PDE4D: variants seen among roughly 807,000 people sequenced by gnomAD.
PDE4D encodes phosphodiesterase 4D.
Under a neutral mutation model 87.4 loss-of-function variants are expected in PDE4D, and 24 were observed. The ratio of observed to expected loss-of-function variants is 0.27; its 90% confidence interval spans 0.20 to 0.39. PDE4D has a LOEUF of 0.39. PDE4D is among the 10% of genes least tolerant of loss of function. The probability of loss-of-function intolerance (pLI) is 1.00; values close to 1 mark genes in which losing one functional copy is unlikely to be tolerated. For synonymous variants in PDE4D, 384 were observed against 383.2 expected, an observed-to-expected ratio of 1.00 and a Z score of -0.02; for missense variants, 714 against 1,041.0, an observed-to-expected ratio of 0.69 and a Z score of 4.32.
At chr5:59,582,530 T>G (rs1195548706) in intron 1 of PDE4D, among the ~76,000 whole-genome samples, 3 of 152,184 alleles carry the variant, frequency 2.0e-5, no homozygotes, top group Non-Finnish European at 4.4e-5. Flanking sequence ...ACATGCAAAT[T>G]ATGAACACAT....
At chr5:60,152,340 T>C (rs1362808806) in intron 2 of PDE4D, among the ~76,000 whole-genome samples, 1 of 152,168 alleles carries the variant, frequency 6.6e-6, no homozygotes, top group African/African-American at 2.4e-5. Context: ...TTAATTCTTC[T>C]TTAAATGTTT....
At chr5:59,971,157 TGA>T (rs1389986641) in intron 3 of PDE4D, among the ~76,000 whole-genome samples, 1 of 131,144 alleles carries the variant, frequency 7.6e-6, no homozygotes, top group East Asian at 2.2e-4. Flanking sequence ...AATTGAACAA[TGA>T]GATCACATGG....
At chr5:60,048,772 G>A (rs1443316827) in intron 2 of PDE4D, among the ~76,000 whole-genome samples, 1 of 152,040 alleles carries the variant, frequency 6.6e-6, no homozygotes, top group South Asian at 2.1e-4. Flanking sequence ...AGGGTAACCC[G>A]ACCTTTCTCT....
At chr5:59,222,623 C>A (rs745762083) in intron 1 of PDE4D, among the ~76,000 whole-genome samples, 13 of 152,198 alleles carry the variant, frequency 8.5e-5, no homozygotes, top group Admixed American at 1.3e-4. Flanking sequence ...CCAGGACCAT[C>A]TGAAAGCTGC....
chr5:60,109,555 T>C (rs1303281384), intron 2 of PDE4D, among the ~76,000 whole-genome samples: 1 of 151,708 alleles, frequency 6.6e-6, no homozygotes. Flanking sequence ...TAAAGACACA[T>C]GCACACGTAT....
chr5:59,278,880 T>C (rs1408955864), intron 1 of PDE4D, among the ~76,000 whole-genome samples: 1 of 152,082 alleles, frequency 6.6e-6, no homozygotes, highest in African/African-American at 2.4e-5. Context: ...TACAGGTAGA[T>C]TGTGCGCACC....
chr5:59,118,365 A>G (rs1020674249), intron 5 of PDE4D, among the ~76,000 whole-genome samples: 1 of 152,216 alleles, frequency 6.6e-6, no homozygotes, highest in African/African-American at 2.4e-5. Flanking sequence ...CCTCTCTGCT[A>G]TACAATAAGC....
chr5:59,244,618 A>G (rs983485011), intron 1 of PDE4D, among the ~76,000 whole-genome samples: 1 of 149,288 alleles, frequency 6.7e-6, no homozygotes, highest in Non-Finnish European at 1.5e-5. Flanking sequence ...ATACACATAC[A>G]TGTATGTACA....
At chr5:59,971,733 C>T (rs1318073643) in intron 3 of PDE4D, among the ~76,000 whole-genome samples, 2 of 152,178 alleles carry the variant, frequency 1.3e-5, no homozygotes, top group East Asian at 3.8e-4. Context: ...ATTCAATCTT[C>T]CCCTTTGGTT....
intron 1 of PDE4D, among the ~76,000 whole-genome samples, chr5:60,398,891 A>G (rs1183220414): frequency 1.3e-5 from 2 of 152,292 alleles, no homozygotes; most frequent in African/African-American, 4.8e-5. Context: ...ACTTGCACCC[A>G]GGTCTGTCCA....
At chr5:59,840,938 A>G (rs1478755589) in intron 1 of PDE4D, among the ~76,000 whole-genome samples, 3 of 152,054 alleles carry the variant, frequency 2.0e-5, no homozygotes, top group African/African-American at 7.2e-5. Flanking sequence ...CTAATTCTTC[A>G]CTCAATGAAA....
chr5:59,909,603 T>C (rs775582502), intron 3 of PDE4D, among the ~76,000 whole-genome samples: 14 of 152,076 alleles, frequency 9.2e-5, no homozygotes, highest in African/African-American at 1.7e-4. Context: ...CAGCCTTGTC[T>C]CAAACACCTG....
intron 1 of PDE4D, among the ~76,000 whole-genome samples, chr5:59,241,959 AG>A (rs1757769768): frequency 6.6e-6 from 1 of 152,202 alleles, no homozygotes; most frequent in Non-Finnish European, 1.5e-5. Context: ...CACAGGGAAA[AG>A]CTTAGTTAAG....
chr5:60,104,289 G>A (rs1582668416), intron 2 of PDE4D, among the ~76,000 whole-genome samples: 1 of 152,230 alleles, frequency 6.6e-6, no homozygotes, highest in East Asian at 1.9e-4. Context: ...AAACTGCAAG[G>A]TGGCAGCGAG....
At chr5:60,371,488 C>T (rs1392675605) in intron 1 of PDE4D, among the ~76,000 whole-genome samples, 1 of 152,214 alleles carries the variant, frequency 6.6e-6, no homozygotes, top group East Asian at 1.9e-4. Flanking sequence ...TGCCCTGTCA[C>T]AATCCTAGAC....
At chr5:59,928,730 T>C (rs1305830401) in intron 3 of PDE4D, among the ~76,000 whole-genome samples, 1 of 152,126 alleles carries the variant, frequency 6.6e-6, no homozygotes, top group African/African-American at 2.4e-5. Context: ...CTCCTGGGAC[T>C]ACCTGTTATT....
rs989666172 is a variant in PDE4D, at chr5:59,193,775, C to T, written c.648-239G>A. 7.6e-5 allele frequency: 75 copies of T among 985,296 alleles called. No homozygotes were observed. The African/African-American group carries it at 1.2e-3, about 16-fold the overall frequency. The allele number at this position is 985,296 out of a possible 1,614,324, so 61.0% of individuals were successfully genotyped here. On this transcript the variant is annotated intron_variant, in intron 2 of 14. Transcript: ENST00000340635. ...GGGCTTCTTGATCATCAGCCAGGGT[C>T]ACTGTTGCTTTTTAGGCACACAGGA... is the stretch of plus-strand genomic sequence containing the variant.
intron 1 of PDE4D, among the ~76,000 whole-genome samples, chr5:59,866,521 C>G (rs778645258): frequency 3.9e-5 from 6 of 152,224 alleles, no homozygotes; most frequent in Non-Finnish European, 5.9e-5. Context: ...TGGTGGCTCA[C>G]TCCTGTAATC....
intron 3 of PDE4D, among the ~76,000 whole-genome samples, chr5:59,966,920 C>A (rs772032434): frequency 3.9e-5 from 6 of 152,134 alleles, no homozygotes; most frequent in East Asian, 1.9e-4. Context: ...TAGCAGAGAA[C>A]TTTTATAGTT....
Sources: gnomAD v4.1 joint callset for allele counts (sites outside exome capture counted in the v4.1 genomes callset) on GRCh38, gnomAD v4.1.1 for gene constraint, MANE v1.5 for transcripts, NCBI Gene and HGNC (gene_info 2026-07-23, HGNC 2026-07-21) for gene names.